Variants in GAREM2 observed in about 807,000 individuals in gnomAD.
The protein encoded by GAREM2 is GRB2 associated regulator of MAPK1 subtype 2.
Under a neutral mutation model 55.6 loss-of-function variants are expected in GAREM2, and 30 were observed. That is an observed-to-expected ratio of 0.54 (90% CI 0.40 to 0.73). GAREM2 has a LOEUF of 0.73. GAREM2 is among the 30% of genes least tolerant of loss of function. GAREM2 has a pLI of 0.00. For synonymous variants in GAREM2, 550 were observed against 569.1 expected (o/e 0.97, Z 0.48); for missense variants, 1,075 against 1,257.7 (o/e 0.85, Z 2.20).
At chr2:26,186,112 C>A in intron 4 of GAREM2, 77 bp from the exon 5 acceptor site, 1 of 1,378,826 alleles carries the variant, frequency 7.3e-7, no homozygotes, top group Non-Finnish European at 9.6e-7. Context: ...GCCCCCTCGC[C>A]CAGCTGCTTG....
At chr2:26,184,025 G>A (rs750910619) in intron 3 of GAREM2, among the ~76,000 whole-genome samples, 7 of 152,278 alleles carry the variant, frequency 4.6e-5, no homozygotes, top group African/African-American at 1.4e-4. Context: ...AGATATGGTC[G>A]CTAAGGCGTG....
chr2:26,191,094 G>A (rs1669481795), downstream of GAREM2: 5 of 721,392 alleles, frequency 6.9e-6, no homozygotes, highest in Non-Finnish European at 1.2e-5. Flanking sequence ...AGGAGGGAGA[G>A]ATGGTCTTGG....
In GAREM2 at chr2:26,186,201, T is replaced by G; in HGVS notation, c.1441T>G (p.Cys481Gly). 2.6e-6 allele frequency: 4 copies of G among 1,518,346 alleles called. No individual in the cohort carries two copies. The highest frequency in any genetic ancestry group is 3.5e-6 in the Non-Finnish European group (4 of 1,130,694). The allele number at this position is 1,518,346 out of a possible 1,614,324, so 94.1% of individuals were successfully genotyped here. ...PPKSEAVKEECRLLNAPPVPP... is the reference protein window; with the variant it reads ...PPKSEAVKEEGRLLNAPPVPP... ...CCTCTGCTTGTAGGTGAAGGAGGAG[T>G]GCCGCCTGCTCAATGCCCCTCCAGT... The change falls in exon 5 of 6, where the codon TGC (cysteine) becomes GGC (glycine). Residue 481 changes from cysteine (C) to glycine (G), a missense_variant. Coordinates refer to ENST00000401533, the MANE Select transcript of GAREM2 (RefSeq NM_001168241.2).
At chr2:26,182,599 C>A in intron 2 of GAREM2, 1 of 1,110,432 alleles carries the variant, frequency 9.0e-7, no homozygotes. Context: ...TGGGACAGAG[C>A]AAGGAGCCAG....
At chr2:26,178,742 G>A (rs978246291) in intron 2 of GAREM2, among the ~76,000 whole-genome samples, 1 of 152,146 alleles carries the variant, frequency 6.6e-6, no homozygotes, top group Admixed American at 6.5e-5. Flanking sequence ...GGGTCCGGGG[G>A]CTCCTAGCTC....
At chr2:26,176,524 G>A in intron 2 of GAREM2, 40 bp downstream of exon 2, 3 of 1,470,046 alleles carry the variant, frequency 2.0e-6, no homozygotes, top group Non-Finnish European at 2.7e-6. Context: ...GCCTGTAGGG[G>A]GGTGTAGGCA....
chr2:26,193,595 C>T (rs757001811), downstream of GAREM2: 16 of 1,613,796 alleles, frequency 9.9e-6, no homozygotes, highest in East Asian at 2.2e-5. Flanking sequence ...CCCTTGGACA[C>T]CATCTGTGTC....
chr2:26,191,501 A>G, downstream of GAREM2: 1 of 1,614,200 alleles, frequency 6.2e-7, no homozygotes, highest in Non-Finnish European at 8.5e-7. Context: ...CAAGGCGGGA[A>G]GCCAAGCCCA....
downstream of GAREM2, chr2:26,191,647 G>C: frequency 3.7e-6 from 6 of 1,613,500 alleles, no homozygotes; most frequent in Non-Finnish European, 5.1e-6. Flanking sequence ...AGAAAGAGAT[G>C]TTTAGGTAGA....
At position 26,179,235 on chromosome 2, in the gene GAREM2, C is replaced by G. The variant is rs972200669; in HGVS notation, c.253+2751C>G. 3.3e-5 allele frequency among the ~76,000 whole-genome samples: 5 copies of G among 152,008 alleles called. No homozygotes were observed. The highest frequency in any genetic ancestry group is 1.2e-4 in the African/African-American group (5 of 41,404). ...CCCTGCGGGAGGGGCCAGGCGTCTT[C>G]CCTGAGCATGGTGCCACTTCCCCAG... On this transcript the variant is annotated intron_variant, in intron 2 of 5. Coordinates refer to ENST00000401533, the MANE Select transcript of GAREM2 (RefSeq NM_001168241.2). This position sits in a 1 kb window ranked among gnomAD's most constrained non-coding sequence, Gnocchi z 4.7.
chr2:26,181,036 T>C (rs555893205), intron 2 of GAREM2: 1 of 985,560 alleles, frequency 1.0e-6, no homozygotes, highest in East Asian at 1.1e-4. Context: ...CAGTATCTCT[T>C]GGTCTGTTTC....
downstream of GAREM2, chr2:26,192,160 C>T (rs1474783882): frequency 1.4e-5 from 9 of 621,910 alleles, no homozygotes; most frequent in East Asian, 2.2e-4. Context: ...GAAGACAGCA[C>T]CATGGCACGT....
At chr2:26,183,122 G>A in intron 3 of GAREM2, 25 bp downstream of exon 3, 2 of 1,550,682 alleles carry the variant, frequency 1.3e-6, no homozygotes, top group Non-Finnish European at 1.7e-6. Context: ...CACCAGGTGT[G>A]GTGTCCCCAC....
In GAREM2 at chr2:26,187,233, C is replaced by A; in HGVS notation, c.1601C>A (p.Ala534Glu). The change falls in exon 6 of 6, where the codon GCG becomes GAG. Residue 534 changes from alanine (A) to glutamate (E), a missense_variant and splice_region_variant. Ala to Glu is a moderately radical substitution (Grantham distance 107). This residue lies in a region of GAREM2 where 515 missense variants were observed against 501.5 expected (regional missense o/e 1.03). Coordinates refer to ENST00000401533, the MANE Select transcript of GAREM2 (RefSeq NM_001168241.2). ...SYYSSGLQDG[A>E]GSRSGSGSPS... ...TGTGTGTCTGTCTCTGTCCACAGGGCGGGTTCCCGCAGTGGCAGTGGCTCC... is the reference window on the plus strand; with the variant it reads ...TGTGTGTCTGTCTCTGTCCACAGGGAGGGTTCCCGCAGTGGCAGTGGCTCC... The A allele has an allele frequency of 6.9e-7, 1 of 1,449,548 alleles. No homozygotes were observed. Among genetic ancestry groups the A allele is most frequent in the Non-Finnish European group, 9.1e-7 (1 of 1,095,654 alleles). 89.8% of individuals were successfully genotyped at this position (1,449,548 alleles called of 1,614,324 possible).
chr2:26,176,780 G>T (rs946603517), intron 2 of GAREM2, among the ~76,000 whole-genome samples: 2 of 152,096 alleles, frequency 1.3e-5, no homozygotes, highest in African/African-American at 4.8e-5. Context: ...AGGCCTTCAG[G>T]GTATACCTTC....
rs1428062133 is a variant in GAREM2, at chr2:26,187,229, A to G, written c.1599-2A>G. 1.4e-6 allele frequency: 2 copies of G among 1,445,676 alleles called. No homozygotes were observed. The highest frequency in any genetic ancestry group is 1.8e-6 in the Non-Finnish European group (2 of 1,093,872). 89.6% of individuals were successfully genotyped at this position (1,445,676 alleles called of 1,614,324 possible). Reference sequence around the variant, plus strand: ...TGTGTGTGTGTCTGTCTCTGTCCACAGGGCGGGTTCCCGCAGTGGCAGTGG... The same window carrying G: ...TGTGTGTGTGTCTGTCTCTGTCCACGGGGCGGGTTCCCGCAGTGGCAGTGG... On this transcript the variant is annotated splice_acceptor_variant, in intron 5 of 5. Coordinates refer to ENST00000401533, the MANE Select transcript of GAREM2 (RefSeq NM_001168241.2). LOFTEE classifies it high-confidence loss of function.
At position 26,184,235 on chromosome 2, in the gene GAREM2, G is replaced by C; in HGVS notation, c.387G>C (p.Val129=). The C allele has an allele frequency of 3.9e-6, 6 of 1,549,804 alleles. No homozygotes were observed. The highest frequency in any genetic ancestry group is 5.2e-6 in the Non-Finnish European group (6 of 1,145,958). ...VMEAITFSVK[V]VSGEFSEDSE... ...TGCCCTGTCTCTGGGATCCCCAGGT[G>C]GTGTCGGGCGAGTTCAGCGAGGACA... Residue 129 remains valine (V), a splice_region_variant and synonymous_variant, in exon 4 of 6, where the codon GTG becomes GTC. Transcript: ENST00000401533.
chr2:26,187,759 C>T lies in GAREM2; in HGVS notation c.2127C>T (p.Gly709=). 1 of 1,449,060 alleles carries T rather than the reference C, an allele frequency of 6.9e-7. No homozygotes were observed. The highest frequency in any genetic ancestry group is 9.1e-7 in the Non-Finnish European group (1 of 1,095,802). The allele number at this position is 1,449,060 out of a possible 1,614,324, so 89.8% of individuals were successfully genotyped here. Residue 709 remains glycine (G), a synonymous_variant, in exon 6 of 6, where the codon GGC becomes GGT. Coordinates refer to ENST00000401533, the MANE Select transcript of GAREM2 (RefSeq NM_001168241.2). ...EPFDPFELGQ[G]SSPEPELLRS... ...TCGATCCCTTTGAGCTGGGGCAGGG[C>T]AGTTCTCCAGAGCCTGAGCTGCTGC...
rs187679461 is a variant in GAREM2 at position 26,183,127 on chromosome 2, C to A, written c.384+30C>A. The A allele has an allele frequency of 2.4e-4, 366 of 1,549,258 alleles. No homozygotes were observed. In the African/African-American group the frequency reaches 4.1e-3, roughly 17 times the overall value. On this transcript the variant is annotated intron_variant, in intron 3 of 5. Transcript: ENST00000401533. Reference sequence around the variant, plus strand: ...GTCACTCCCTCACCAGGTGTGGTGTCCCCACACTACTCCTTGCCTCAGGGG... The same window carrying A: ...GTCACTCCCTCACCAGGTGTGGTGTACCCACACTACTCCTTGCCTCAGGGG...
Sources: allele counts gnomAD v4.1 joint callset (sites outside exome capture counted in the v4.1 genomes callset), GRCh38; gene constraint gnomAD v4.1.1; regional missense constraint gnomAD v4.1.1; non-coding constraint Gnocchi (gnomAD v3.1); transcripts MANE v1.5; gene names NCBI Gene and HGNC (gene_info 2026-07-23, HGNC 2026-07-21).